Variants in DPP6 observed in about 807,000 individuals in gnomAD.
The protein encoded by DPP6 is A-type potassium channel modulatory protein DPP6.
DPP6 carries 69 observed loss-of-function variants against 122.6 expected under a neutral mutation model. That is an observed-to-expected ratio of 0.56 (90% CI 0.46 to 0.69). DPP6 has a LOEUF of 0.69. Ranked by LOEUF, DPP6 falls within the 30% of genes least tolerant of loss-of-function variation. The pLI is 0.00. For missense variants in DPP6, 928 were observed against 1,116.9 expected (o/e 0.83, Z 2.41); for synonymous variants, 418 against 433.1 (o/e 0.97, Z 0.43).
intron 17 of DPP6, among the ~76,000 whole-genome samples, chr7:154,859,246 A>C (rs1803105031): frequency 6.6e-6 from 1 of 152,228 alleles, no homozygotes. Flanking sequence ...AACAGTGTGC[A>C]AAGCAGCAGC....
intron 25 of DPP6, chr7:154,890,217 G>A (rs991289041): frequency 4.6e-5 from 7 of 152,298 alleles, no homozygotes; most frequent in African/African-American, 1.7e-4. Flanking sequence ...GTCTCTTCAG[G>A]TCCAACATGA....
chr7:154,757,867 C>T (rs1254322244), intron 8 of DPP6, among the ~76,000 whole-genome samples: 1 of 152,228 alleles, frequency 6.6e-6, no homozygotes, highest in Non-Finnish European at 1.5e-5. Flanking sequence ...CACCTCAGCT[C>T]TGTGAGGAAG....
chr7:153,996,383 G>A (rs1797434863), intron 1 of DPP6, among the ~76,000 whole-genome samples: 1 of 152,092 alleles, frequency 6.6e-6, no homozygotes. Context: ...GGACGGAGAA[G>A]TTCTAAAAAT....
intron 1 of DPP6, among the ~76,000 whole-genome samples, chr7:154,136,978 G>T (rs1283550171): frequency 3.3e-5 from 5 of 152,132 alleles, no homozygotes; most frequent in South Asian, 2.1e-4. Flanking sequence ...AGATAGGGTT[G>T]GGAGAACCAC....
intron 1 of DPP6, among the ~76,000 whole-genome samples, chr7:154,085,288 ACT>A (rs984742868): frequency 6.6e-6 from 1 of 151,998 alleles, no homozygotes; most frequent in Non-Finnish European, 1.5e-5. Context: ...TCCCATCGCC[ACT>A]CTCAAGCTTT....
intron 7 of DPP6, among the ~76,000 whole-genome samples, chr7:154,698,466 C>T (rs1840340572): frequency 6.6e-6 from 1 of 152,160 alleles, no homozygotes; most frequent in African/African-American, 2.4e-5. Flanking sequence ...ATTCCATGCT[C>T]ACCAGCATCA....
intron 3 of DPP6, among the ~76,000 whole-genome samples, chr7:154,524,888 A>T (rs1355245144): frequency 6.6e-6 from 1 of 152,158 alleles, no homozygotes; most frequent in African/African-American, 2.4e-5. Context: ...CTTTCTGGCC[A>T]GTAAGATATT....
At chr7:154,184,875 A>G (rs577722123) in intron 1 of DPP6, among the ~76,000 whole-genome samples, 54 of 152,284 alleles carry the variant, frequency 3.5e-4, no homozygotes, top group African/African-American at 1.2e-3. Flanking sequence ...ACTCAGAGCA[A>G]AAGTTTTCTG....
chr7:153,909,730 C>A (rs1028213936), intron 1 of DPP6, among the ~76,000 whole-genome samples: 3 of 152,160 alleles, frequency 2.0e-5, no homozygotes, highest in Non-Finnish European at 4.4e-5. Flanking sequence ...TTCAAACTTC[C>A]CCAGTCACTT....
chr7:154,853,695 C>T lies in DPP6; in HGVS notation c.1667-85C>T, dbSNP rs151271580. The stretch of plus-strand genomic sequence containing the variant: ...AGGCTCCGCACGTCTATCTACGTGG[C>T]ATAAGAAAAGCCTGTTTTCTTGTTC... On this transcript the variant is annotated intron_variant, in intron 16 of 25. Transcript: ENST00000377770. 228 of 1,537,890 alleles carry T rather than the reference C, an allele frequency of 1.5e-4. No homozygotes were observed. In the African/African-American group the frequency reaches 2.1e-3, roughly 14 times the overall value.
the DPP6 span, among the ~76,000 whole-genome samples, chr7:153,780,976 T>TAA: frequency 0.14 from 21,166 of 151,994 alleles, 1,610 homozygotes; most frequent in Non-Finnish European, 0.17. Flanking sequence ...ATGAATTTTT[T>TAA]AAAAAAATGG....
intron 1 of DPP6, among the ~76,000 whole-genome samples, chr7:154,304,929 G>T (rs1441642924): frequency 6.6e-6 from 1 of 152,156 alleles, no homozygotes; most frequent in African/African-American, 2.4e-5. Context: ...AGACACCCGG[G>T]CGCGGCGCGG....
intron 1 of DPP6, among the ~76,000 whole-genome samples, chr7:153,930,108 G>A (rs572406291): frequency 6.6e-6 from 1 of 152,160 alleles, no homozygotes; most frequent in African/African-American, 2.4e-5. Flanking sequence ...AGTTAACTGG[G>A]TATTAATGGA....
intron 1 of DPP6, among the ~76,000 whole-genome samples, chr7:154,269,337 T>C (rs1237425462): frequency 2.0e-5 from 3 of 152,320 alleles, no homozygotes; most frequent in Middle Eastern, 3.4e-3. Flanking sequence ...CCTATTATTT[T>C]GATGGTCAGC....
chr7:154,313,574 A>G (rs1390135072), intron 1 of DPP6, among the ~76,000 whole-genome samples: 3 of 151,166 alleles, frequency 2.0e-5, no homozygotes, highest in South Asian at 4.2e-4. Context: ...GCATGTTTTG[A>G]TAGGTGAAAA....
chr7:154,260,804 G>C (rs1802968776), intron 1 of DPP6, among the ~76,000 whole-genome samples: 1 of 150,468 alleles, frequency 6.6e-6, no homozygotes, highest in African/African-American at 2.4e-5. Flanking sequence ...TGTGTGTGCA[G>C]GTATCTTTTT....
At chr7:154,851,494 T>C (rs1802378745) in intron 16 of DPP6, among the ~76,000 whole-genome samples, 1 of 152,328 alleles carries the variant, frequency 6.6e-6, no homozygotes, top group Non-Finnish European at 1.5e-5. Flanking sequence ...TTCTTTCTTC[T>C]ACTTGAGCTC....
At chr7:154,708,463 T>C (rs890845523) in intron 7 of DPP6, among the ~76,000 whole-genome samples, 2 of 152,236 alleles carry the variant, frequency 1.3e-5, no homozygotes, top group African/African-American at 4.8e-5. Flanking sequence ...CAAAACATTG[T>C]AATAAGATTT....
chr7:154,233,734 A>T (rs1366770185), intron 1 of DPP6, among the ~76,000 whole-genome samples: 1 of 152,234 alleles, frequency 6.6e-6, no homozygotes, highest in Admixed American at 6.5e-5. Context: ...TGACACCTTG[A>T]TCTCAGACGT....
Sources: gnomAD v4.1 joint callset for allele counts (sites outside exome capture counted in the v4.1 genomes callset) on GRCh38, gnomAD v4.1.1 for gene constraint, MANE v1.5 for transcripts, NCBI Gene and HGNC (gene_info 2026-07-23, HGNC 2026-07-21) for gene names.